The following NBAS variants were observed in gnomAD, a reference collection of about 807,000 sequenced individuals.
The protein encoded by NBAS is NAG/BC035112 fusion.
In NBAS, 219 loss-of-function variants were observed where a neutral mutation model predicts 302.5. The ratio of observed to expected loss-of-function variants is 0.72; its 90% confidence interval spans 0.65 to 0.81. The LOEUF (loss-of-function observed/expected upper bound fraction) is 0.81, where lower values mean the gene tolerates loss of function less well. NBAS is among the 30% of genes least tolerant of loss of function. The pLI, the probability that NBAS is intolerant of heterozygous loss-of-function variation, is 0.00. For missense variants in NBAS, 2,932 were observed against 2,841.6 expected (o/e 1.03, Z -0.72); for synonymous variants, 1,118 against 1,021.6 (o/e 1.09, Z -1.80).
downstream of NBAS, among the ~76,000 whole-genome samples, chr2:15,163,934 T>C (rs1056872928): frequency 3.9e-5 from 6 of 152,012 alleles, no homozygotes; most frequent in Non-Finnish European, 5.9e-5. Flanking sequence ...GTAGCTGGGA[T>C]TATAGGCGTG....
chr2:14,807,140 C>CG, the NBAS span, among the ~76,000 whole-genome samples: 4 of 147,974 alleles, frequency 2.7e-5, no homozygotes, highest in African/African-American at 1.1e-4. Context: ...ATGTAAATAT[C>CG]AGGGGGGGGT....
chr2:14,859,775 G>A, the NBAS span, among the ~76,000 whole-genome samples: 1 of 152,014 alleles, frequency 6.6e-6, no homozygotes, highest in African/African-American at 2.4e-5. Context: ...ATTGGTCTGG[G>A]CAAAGAATGT....
At chr2:15,277,309 C>T (rs1385270532) in intron 42 of NBAS, among the ~76,000 whole-genome samples, 3 of 152,138 alleles carry the variant, frequency 2.0e-5, no homozygotes, top group Non-Finnish European at 2.9e-5. Context: ...ACTACACACT[C>T]GTCATGTTAT....
chr2:14,965,896 T>C, the NBAS span, among the ~76,000 whole-genome samples: 10 of 152,302 alleles, frequency 6.6e-5, no homozygotes, highest in Admixed American at 6.5e-4. Context: ...TACTTGTGAA[T>C]GTGACTTCAT....
At chr2:15,132,777 C>T in the NBAS span, among the ~76,000 whole-genome samples, 9 of 151,112 alleles carry the variant, frequency 6.0e-5, no homozygotes. Flanking sequence ...GTCAGCAACT[C>T]AACAGAATTT....
chr2:15,497,765 T>A (rs915081634), intron 11 of NBAS, among the ~76,000 whole-genome samples: 1 of 152,272 alleles, frequency 6.6e-6, no homozygotes, highest in African/African-American at 2.4e-5. Context: ...CATTAAGAAG[T>A]ATGGAATATA....
the NBAS span, among the ~76,000 whole-genome samples, chr2:15,112,482 A>G: frequency 6.6e-6 from 1 of 152,142 alleles, no homozygotes; most frequent in Non-Finnish European, 1.5e-5. Flanking sequence ...ATAAATGAGG[A>G]AACAAATACT....
the NBAS span, among the ~76,000 whole-genome samples, chr2:14,946,074 A>T: frequency 6.6e-6 from 1 of 152,154 alleles, no homozygotes. Flanking sequence ...TCAGTCTCAA[A>T]ATATATATAT....
the NBAS span, among the ~76,000 whole-genome samples, chr2:14,996,381 A>G: frequency 4.6e-5 from 7 of 152,188 alleles, no homozygotes; most frequent in African/African-American, 1.4e-4. Context: ...GACAGAACTT[A>G]TCCAGAGGCA....
intron 44 of NBAS, among the ~76,000 whole-genome samples, chr2:15,268,420 GT>G (rs575852469): frequency 2.6e-5 from 4 of 152,102 alleles, no homozygotes; most frequent in African/African-American, 9.7e-5. Context: ...CAAAGGCGTG[GT>G]TTTTTTAAAA....
chr2:15,353,836 A>G, intron 33 of NBAS, 126 bp from the exon 34 acceptor site: 1 of 1,113,822 alleles, frequency 9.0e-7, no homozygotes, highest in Non-Finnish European at 1.4e-6. Context: ...CATTAGTGAC[A>G]CATTATTTTA....
chr2:14,946,273 G>C, the NBAS span, among the ~76,000 whole-genome samples: 1 of 151,982 alleles, frequency 6.6e-6, no homozygotes, highest in South Asian at 2.1e-4. Context: ...ACTACTGTAA[G>C]GCATATAAAA....
intron 21 of NBAS, among the ~76,000 whole-genome samples, chr2:15,454,568 T>C (rs745934422): frequency 2.6e-5 from 4 of 152,208 alleles, no homozygotes; most frequent in Admixed American, 2.0e-4. Context: ...CACAATTTCA[T>C]CCTTCTGCAT....
chr2:14,815,077 A>G, the NBAS span, among the ~76,000 whole-genome samples: 18 of 152,188 alleles, frequency 1.2e-4, 1 homozygote, highest in Admixed American at 9.8e-4. Context: ...AGGCCTCCCA[A>G]TCATGCTTCC....
intron 21 of NBAS, among the ~76,000 whole-genome samples, chr2:15,438,270 G>A (rs1678131690): frequency 6.6e-6 from 1 of 152,262 alleles, no homozygotes; most frequent in South Asian, 2.1e-4. Flanking sequence ...GGTGGCTGGT[G>A]GAGCTCGTAT....
At chr2:15,196,451 C>T (rs1227990485) in intron 48 of NBAS, among the ~76,000 whole-genome samples, 1 of 152,106 alleles carries the variant, frequency 6.6e-6, no homozygotes, top group Non-Finnish European at 1.5e-5. Context: ...AGAAATTGCT[C>T]TGTATTATTT....
At chr2:15,305,548 T>C (rs1157193158) in intron 40 of NBAS, among the ~76,000 whole-genome samples, 1 of 150,570 alleles carries the variant, frequency 6.6e-6, no homozygotes, top group Non-Finnish European at 1.5e-5. Flanking sequence ...GCCTCCCAGA[T>C]TCAAGCGATT....
the NBAS span, among the ~76,000 whole-genome samples, chr2:14,887,998 C>T: frequency 6.6e-6 from 1 of 152,144 alleles, no homozygotes; most frequent in Non-Finnish European, 1.5e-5. Context: ...AAGATTTGTA[C>T]ATAAGGTGGT....
the NBAS span, among the ~76,000 whole-genome samples, chr2:14,787,754 A>AT: frequency 6.6e-6 from 1 of 151,688 alleles, no homozygotes; most frequent in South Asian, 2.1e-4. Context: ...TGCCCTTAAT[A>AT]TTTTTTCCTT....
Sources: allele counts gnomAD v4.1 joint callset (sites outside exome capture counted in the v4.1 genomes callset), GRCh38; gene constraint gnomAD v4.1.1; transcripts MANE v1.5; gene names NCBI Gene and HGNC (gene_info 2026-07-23, HGNC 2026-07-21).